The following NPIPB8 variants were observed in gnomAD, a reference collection of about 807,000 sequenced individuals.
NPIPB8 encodes nuclear pore complex interacting protein family member B8, also known as nuclear pore complex-interacting protein family member B8.
A neutral mutation model predicts 5.3 loss-of-function variants in NPIPB8; 3 were observed. The ratio of observed to expected loss-of-function variants is 0.57; its 90% CI spans 0.26 to 1.47. NPIPB8 has a LOEUF of 1.47. Ranked by LOEUF, NPIPB8 falls within the 40% of genes most tolerant of loss-of-function variation. NPIPB8 has a pLI of 0.13. For missense variants in NPIPB8, 50 were observed against 50.2 expected (o/e 1.00, Z 0.01); for synonymous variants, 18 against 23.0 (o/e 0.78, Z 0.62).
chr16:28,642,044 G>C (rs1328385952), intron 2 of NPIPB8, among the ~76,000 whole-genome samples: 2 of 151,144 alleles, frequency 1.3e-5, no homozygotes, highest in African/African-American at 4.9e-5. Flanking sequence ...GCTCTAATCT[G>C]ACTTCAACCC....
At chr16:28,638,506 C>T (rs1462423177) in intron 2 of NPIPB8, 26 bp downstream of exon 2, 6 of 1,539,178 alleles carry the variant, frequency 3.9e-6, no homozygotes, top group African/African-American at 2.8e-5. Context: ...CAAGATGGGG[C>T]CTGGTGCCCT....
chr16:28,638,232 T>C (rs2047825999), intron 1 of NPIPB8, 82 bp downstream of exon 1: 1 of 1,504,248 alleles, frequency 6.6e-7, no homozygotes, highest in Non-Finnish European at 8.8e-7. Flanking sequence ...TGTCCTTTTC[T>C]GAAGCCCCTA....
chr16:28,642,192 G>A (rs1447433604), intron 2 of NPIPB8, among the ~76,000 whole-genome samples: 12 of 150,484 alleles, frequency 8.0e-5, no homozygotes, highest in Admixed American at 2.7e-4. Flanking sequence ...TGCAACCTCC[G>A]CCTCCCGGGC....
rs1225180245 is a variant in NPIPB8, at chr16:28,642,758, AG to A, written c.120+4280del. ...CGGCCTCCCAAAGTGCTGGGATTAC[AG>A]GCGTGAGCCACCACACCCAGCCCCT... On this transcript the variant is annotated intron_variant, in intron 2 of 7. Transcript: ENST00000683297. Among the ~76,000 whole-genome samples, 7 of 151,934 alleles carry A rather than the reference AG, an allele frequency of 4.6e-5. No homozygotes were observed. In the South Asian group the frequency reaches 8.3e-4, roughly 18 times the overall value.
intron 2 of NPIPB8, among the ~76,000 whole-genome samples, chr16:28,639,398 T>TACACACACACACACACACATACATAC (rs755245844): frequency 7.1e-6 from 1 of 141,014 alleles, no homozygotes; most frequent in Non-Finnish European, 1.5e-5. Flanking sequence ...TTTATATAGA[T>TACACACACACACACACACATACATAC]ACACACACAC....
intron 3 of NPIPB8, among the ~76,000 whole-genome samples, chr16:28,651,605 TG>T (rs1567334294): frequency 4.7e-4 from 6 of 12,810 alleles, no homozygotes; most frequent in African/African-American, 1.7e-3. Context: ...ATGTCATTCT[TG>T]TGTGTGTGTG....
At chr16:28,640,433 TG>T (rs1042949347) in intron 2 of NPIPB8, among the ~76,000 whole-genome samples, 3 of 151,706 alleles carry the variant, frequency 2.0e-5, no homozygotes, top group Non-Finnish European at 2.9e-5. Context: ...AAGGAGAGAG[TG>T]GCCAGTCTCA....
chr16:28,638,224 T>C, intron 1 of NPIPB8, 74 bp downstream of exon 1: 3 of 1,483,950 alleles, frequency 2.0e-6, no homozygotes, highest in Non-Finnish European at 1.8e-6. Context: ...CTTGGTTCTG[T>C]CCTTTTCTGA....
At chr16:28,644,361 T>A (rs1302201941) in intron 2 of NPIPB8, among the ~76,000 whole-genome samples, 2 of 110,130 alleles carry the variant, frequency 1.8e-5, no homozygotes, top group Admixed American at 8.9e-5. Context: ...CTCCTCCTCC[T>A]CCTCCACCTC....
In NPIPB8 at chr16:28,644,996, AC is replaced by A. The variant is rs1400981103; in HGVS notation, c.121-3138del. On this transcript the variant is annotated intron_variant, in intron 2 of 7. Coordinates refer to ENST00000683297, the MANE Select transcript of NPIPB8 (RefSeq NM_001310136.2). Reference sequence around the variant, plus strand: ...TCTCTAACAAACAAAATGGACCAAAACAAAGTGAAATGTCATTTGATTTGTG... The same window carrying A: ...TCTCTAACAAACAAAATGGACCAAAAAAAGTGAAATGTCATTTGATTTGTG... Among the ~76,000 whole-genome samples the A allele has an allele frequency of 3.8e-5, 4 of 106,580 alleles. No homozygotes were observed. The South Asian group carries it at 1.1e-3, about 30-fold the overall frequency. 69.9% of individuals were successfully genotyped at this position (106,580 alleles called of 152,430 possible).
chr16:28,638,060 G>T, upstream of NPIPB8: 1 of 698,226 alleles, frequency 1.4e-6, no homozygotes, highest in Non-Finnish European at 2.1e-6. Flanking sequence ...AAATGACTTG[G>T]ATGTTTTATA....
chr16:28,650,965 G>A (rs1342877983), intron 3 of NPIPB8, among the ~76,000 whole-genome samples: 22,832 of 91,016 alleles, frequency 0.25, 57 homozygotes, highest in Non-Finnish European at 0.31. Context: ...CAGTTCAGTT[G>A]TGTGAAGTAT....
At chr16:28,651,284 ATTTTTTTTT>A (rs1242473443) in intron 3 of NPIPB8, among the ~76,000 whole-genome samples, 1 of 10,958 alleles carries the variant, frequency 9.1e-5, no homozygotes, top group Admixed American at 8.2e-4. Flanking sequence ...CACCTGGGCT[ATTTTTTTTT>A]TTTTTTTTTT....
At chr16:28,640,468 G>C (rs1289805337) in intron 2 of NPIPB8, among the ~76,000 whole-genome samples, 1 of 151,962 alleles carries the variant, frequency 6.6e-6, no homozygotes. Flanking sequence ...CTTTTGCCTC[G>C]AGGTGACACG....
chr16:28,642,169 G>T (rs1208290862), intron 2 of NPIPB8, among the ~76,000 whole-genome samples: 3 of 150,506 alleles, frequency 2.0e-5, no homozygotes, highest in Non-Finnish European at 4.4e-5. Context: ...GCAATGGCAC[G>T]ATCTCGGCTC....
intron 2 of NPIPB8, among the ~76,000 whole-genome samples, chr16:28,642,662 T>C (rs1048543472): frequency 6.6e-6 from 1 of 150,558 alleles, no homozygotes; most frequent in Non-Finnish European, 1.5e-5. Flanking sequence ...TTTTTATATT[T>C]TATTAGAGAC....
chr16:28,644,761 G>A (rs1462441437), intron 2 of NPIPB8: 15 of 534,206 alleles, frequency 2.8e-5, no homozygotes, highest in South Asian at 5.1e-5. Flanking sequence ...TTAGGGGGCC[G>A]AGGTGGGCAG....
intron 2 of NPIPB8, among the ~76,000 whole-genome samples, chr16:28,641,558 C>A (rs1344639117): frequency 2.1e-5 from 3 of 141,298 alleles, no homozygotes; most frequent in Non-Finnish European, 4.8e-5. Context: ...TCTGGCCTTC[C>A]CTCATCAGCC....
At chr16:28,639,428 GACAC>G (rs1040391463) in intron 2 of NPIPB8, among the ~76,000 whole-genome samples, 2 of 135,456 alleles carry the variant, frequency 1.5e-5, no homozygotes, top group South Asian at 2.3e-4. Flanking sequence ...CACACACACA[GACAC>G]ACACACACAC....
Sources: allele counts gnomAD v4.1 joint callset (sites outside exome capture counted in the v4.1 genomes callset), GRCh38; gene constraint gnomAD v4.1.1; transcripts MANE v1.5; gene names NCBI Gene and HGNC (gene_info 2026-07-23, HGNC 2026-07-21).